ESR1: variants seen among roughly 807,000 people sequenced by gnomAD.
ESR1 encodes estrogen receptor 1.
Under a neutral mutation model 52.7 loss-of-function variants are expected in ESR1, and 12 were observed. The observed-to-expected ratio is 0.23, with a 90% CI of 0.15 to 0.37. The LOEUF (loss-of-function observed/expected upper bound fraction) is 0.37. Ranked by LOEUF, ESR1 falls within the 10% of genes least tolerant of loss-of-function variation. The probability of loss-of-function intolerance (pLI) is 1.00; values close to 1 mark genes in which losing one functional copy is unlikely to be tolerated. For synonymous variants in ESR1, 305 were observed against 316.8 expected, an observed-to-expected ratio of 0.96 and a Z score of 0.39; for missense variants, 584 against 779.7, an observed-to-expected ratio of 0.75 and a Z score of 2.99.
At position 151,901,464 on chromosome 6, in the gene ESR1, T is replaced by C. The variant is rs1476539230; in HGVS notation, c.760+20693T>C. 2.0e-5 allele frequency among the ~76,000 whole-genome samples: 3 copies of C among 152,224 alleles called. No homozygotes were observed. The East Asian group carries it at 5.8e-4, about 29-fold the overall frequency. Reference sequence around the variant, plus strand: ...CCCAAGTTCTGGCCAGGTGACTTCATGTTTGGTTGGAATTGTTACAAAGTT... The same window carrying C: ...CCCAAGTTCTGGCCAGGTGACTTCACGTTTGGTTGGAATTGTTACAAAGTT... On this transcript the variant is annotated intron_variant, in intron 3 of 7. Coordinates refer to ENST00000206249, the MANE Select transcript of ESR1 (RefSeq NM_000125.4).
rs200075329 is a variant in ESR1 at position 151,808,264 on chromosome 6, T to C, written c.352T>C (p.Ser118Pro). ...LMLLHPPPQL[S>P]PFLQPHGQQV... ...GCTACTGCACCCGCCGCCGCAGCTG[T>C]CGCCTTTCCTGCAGCCCCACGGCCA... is the stretch of plus-strand genomic sequence containing the variant. The change falls in exon 1 of 8, where the codon TCG becomes CCG. Residue 118 changes from serine to proline, a missense_variant. By Grantham distance (74) the Ser-to-Pro change is moderately conservative. Around this residue, in one of 6 missense-constraint regions of ESR1, gnomAD observed 251 missense variants for 246.1 expected, o/e 1.02. Coordinates refer to ENST00000206249, the MANE Select transcript of ESR1 (RefSeq NM_000125.4). The C allele has an allele frequency of 4.5e-3, 7,108 of 1,584,834 alleles. 27 individuals carry two copies. Among genetic ancestry groups the C allele is most frequent in the Non-Finnish European group, 4.8e-3 (5,557 of 1,166,348 alleles).
chr6:151,981,631 G>A (rs1202043446), intron 4 of ESR1, among the ~76,000 whole-genome samples: 3 of 152,170 alleles, frequency 2.0e-5, no homozygotes, highest in Non-Finnish European at 4.4e-5. Flanking sequence ...TGAGAAATAC[G>A]TGTAGGATGC....
chr6:151,856,035 G>A (rs546512124), intron 2 of ESR1, among the ~76,000 whole-genome samples: 8 of 152,152 alleles, frequency 5.3e-5, no homozygotes, highest in African/African-American at 1.9e-4. Context: ...TAATATATTC[G>A]AACATATTTC....
chr6:151,897,865 G>C (rs180801621), intron 3 of ESR1, among the ~76,000 whole-genome samples: 33 of 152,198 alleles, frequency 2.2e-4, no homozygotes, highest in African/African-American at 7.5e-4. Context: ...TTAGCAGTTC[G>C]TGTAGTCATG....
intron 2 of ESR1, among the ~76,000 whole-genome samples, chr6:151,845,771 C>G (rs1398938877): frequency 6.6e-6 from 1 of 152,066 alleles, no homozygotes; most frequent in African/African-American, 2.4e-5. Context: ...GTCCAAAGTT[C>G]TGGAAGAAGC....
intron 6 of ESR1, among the ~76,000 whole-genome samples, chr6:152,087,260 G>T (rs1188864608): frequency 6.6e-6 from 1 of 152,120 alleles, no homozygotes; most frequent in African/African-American, 2.4e-5. Context: ...GAAGAGAAAT[G>T]ACTTCTAAAT....
At chr6:151,703,187 G>C (rs913297502) in intron 2 of ESR1, among the ~76,000 whole-genome samples, 2 of 152,172 alleles carry the variant, frequency 1.3e-5, no homozygotes, top group African/African-American at 4.8e-5. Flanking sequence ...AAAATTTTTA[G>C]CTGGACCTTT....
chr6:152,067,467 C>T (rs1050154294), intron 6 of ESR1, among the ~76,000 whole-genome samples: 3 of 152,192 alleles, frequency 2.0e-5, no homozygotes, highest in African/African-American at 4.8e-5. Flanking sequence ...AATGCCATCT[C>T]CCAGATACTC....
chr6:151,779,395 C>T (rs1409495981), intron 2 of ESR1, among the ~76,000 whole-genome samples: 5 of 152,076 alleles, frequency 3.3e-5, no homozygotes, highest in African/African-American at 1.2e-4. Context: ...CAAAAGAAGA[C>T]ATTTATGCAG....
At chr6:151,931,914 C>T (rs931624149) in intron 3 of ESR1, among the ~76,000 whole-genome samples, 62 of 144,708 alleles carry the variant, frequency 4.3e-4, no homozygotes, top group African/African-American at 1.5e-3. Context: ...AATAAACATA[C>T]GTGTGCATGT....
chr6:151,762,723 G>T (rs1188728140), intron 2 of ESR1, among the ~76,000 whole-genome samples: 1 of 152,098 alleles, frequency 6.6e-6, no homozygotes, highest in Non-Finnish European at 1.5e-5. Flanking sequence ...CAGCACTTTG[G>T]GAGGCTGAAG....
chr6:151,698,421 A>C (rs889289015), intron 1 of ESR1, among the ~76,000 whole-genome samples: 13 of 152,074 alleles, frequency 8.5e-5, no homozygotes, highest in African/African-American at 3.1e-4. Flanking sequence ...AACACAACCA[A>C]ACCCATGGGC....
chr6:151,922,515 G>A (rs2031897572), intron 3 of ESR1, among the ~76,000 whole-genome samples: 1 of 152,228 alleles, frequency 6.6e-6, no homozygotes, highest in South Asian at 2.1e-4. Flanking sequence ...ATTTTATTTT[G>A]TAGCTCATCT....
chr6:151,820,658 G>A (rs759264429), intron 1 of ESR1, among the ~76,000 whole-genome samples: 1 of 152,158 alleles, frequency 6.6e-6, no homozygotes, highest in Non-Finnish European at 1.5e-5. Flanking sequence ...AATTTACTTG[G>A]CAGTTAGTTT....
At chr6:151,733,674 C>T (rs542880925) in intron 2 of ESR1, among the ~76,000 whole-genome samples, 15 of 152,212 alleles carry the variant, frequency 9.9e-5, no homozygotes, top group African/African-American at 3.6e-4. Flanking sequence ...CCATTTGGTT[C>T]CAGAATCCTT....
At chr6:151,659,557 A>C (rs1771351) in intron 1 of ESR1, among the ~76,000 whole-genome samples, 1 of 151,926 alleles carries the variant, frequency 6.6e-6, no homozygotes, top group Non-Finnish European at 1.5e-5. Flanking sequence ...ATGAATTGGC[A>C]TTCCGATTTA....
intron 1 of ESR1, among the ~76,000 whole-genome samples, chr6:151,817,968 C>A (rs1023778581): frequency 9.9e-5 from 15 of 152,118 alleles, no homozygotes; most frequent in African/African-American, 2.9e-4. Flanking sequence ...GTTGGAAAGT[C>A]CTGTAAGTTT....
At chr6:151,752,150 A>G (rs1396200626) in intron 2 of ESR1, among the ~76,000 whole-genome samples, 1 of 152,246 alleles carries the variant, frequency 6.6e-6, no homozygotes, top group Non-Finnish European at 1.5e-5. Flanking sequence ...AGCAGCTACC[A>G]GATTTGCTAA....
chr6:151,848,773 C>T (rs1236774166), intron 2 of ESR1, among the ~76,000 whole-genome samples: 1 of 152,092 alleles, frequency 6.6e-6, no homozygotes, highest in East Asian at 1.9e-4. Context: ...CATGCAACAG[C>T]AGGAGAGATA....
Sources: gnomAD v4.1 joint callset for allele counts (sites outside exome capture counted in the v4.1 genomes callset) on GRCh38, gnomAD v4.1.1 for gene constraint, gnomAD v4.1.1 regional missense constraint, MANE v1.5 for transcripts, NCBI Gene and HGNC (gene_info 2026-07-23, HGNC 2026-07-21) for gene names.